AKAP6: variants seen among roughly 807,000 people sequenced by gnomAD.
AKAP6 encodes the protein A-kinase anchor protein 6.
AKAP6 carries 58 observed loss-of-function variants against 188.5 expected under a neutral mutation model. The ratio of observed to expected loss-of-function variants is 0.31; its 90% confidence interval spans 0.25 to 0.38. AKAP6 has a LOEUF of 0.38. AKAP6 is among the 10% of genes least tolerant of loss of function. AKAP6 has a pLI of 1.00. For missense variants in AKAP6, 2,710 were observed against 2,740.0 expected, an observed-to-expected ratio of 0.99 and a Z score of 0.24; for synonymous variants, 989 against 998.6, an observed-to-expected ratio of 0.99 and a Z score of 0.18.
At chr14:32,629,742 A>G (rs1193797427) in intron 7 of AKAP6, among the ~76,000 whole-genome samples, 8 of 150,490 alleles carry the variant, frequency 5.3e-5, no homozygotes, top group African/African-American at 7.4e-5. Flanking sequence ...ATATAACTCA[A>G]TACTTCAGTG....
At chr14:32,576,041 A>C (rs1302819424) in intron 4 of AKAP6, among the ~76,000 whole-genome samples, 1 of 152,146 alleles carries the variant, frequency 6.6e-6, no homozygotes, top group Non-Finnish European at 1.5e-5. Context: ...TATGAATCTT[A>C]AAATATTATC....
chr14:32,625,019 A>G (rs569210065), intron 7 of AKAP6, among the ~76,000 whole-genome samples: 1 of 152,254 alleles, frequency 6.6e-6, no homozygotes, highest in Non-Finnish European at 1.5e-5. Context: ...TTTAAATTCA[A>G]ATATTAACAT....
intron 2 of AKAP6, among the ~76,000 whole-genome samples, chr14:32,450,506 A>G (rs1370494142): frequency 6.6e-6 from 1 of 152,196 alleles, no homozygotes; most frequent in Non-Finnish European, 1.5e-5. Flanking sequence ...TGAAATTTTT[A>G]GTTAACACAA....
chr14:32,623,154 A>T (rs1886882422), intron 7 of AKAP6, among the ~76,000 whole-genome samples: 1 of 152,184 alleles, frequency 6.6e-6, no homozygotes, highest in African/African-American at 2.4e-5. Flanking sequence ...TCCAGCATTA[A>T]ACCCTAAGGT....
intron 1 of AKAP6, among the ~76,000 whole-genome samples, chr14:32,361,071 T>TATATATATATATATA (rs1213844124): frequency 1.1e-4 from 16 of 149,052 alleles, no homozygotes; most frequent in South Asian, 2.2e-4. Flanking sequence ...TATATATATA[T>TATATATATATATATA]TTGAGAAGCT....
chr14:32,529,054 A>C (rs1030722008), intron 2 of AKAP6, among the ~76,000 whole-genome samples: 4 of 152,186 alleles, frequency 2.6e-5, no homozygotes, highest in Non-Finnish European at 5.9e-5. Context: ...GAGGCTGTAC[A>C]TCAAGTTGGG....
intron 4 of AKAP6, among the ~76,000 whole-genome samples, chr14:32,575,119 G>T (rs1481565286): frequency 6.6e-6 from 1 of 152,110 alleles, no homozygotes; most frequent in African/African-American, 2.4e-5. Context: ...CTGAGCTTGA[G>T]TAAGTGTAAC....
rs778461868 is a variant in AKAP6, at chr14:32,824,428, T to C, written c.6615T>C (p.Ala2205=). 1.2e-6 allele frequency: 2 copies of C among 1,613,924 alleles called. No individual in the cohort carries two copies. The highest frequency in any genetic ancestry group is 1.7e-6 in the Non-Finnish European group (2 of 1,179,952). The change falls in exon 13 of 14, where the codon GCT becomes GCC. Residue 2205 remains alanine (A), a synonymous_variant. Transcript: ENST00000280979. ...SSEFSDSSLS[A]DDADTVALSS... ...AGTTCAGTGATAGTTCTCTTTCAGCTGATGATGCAGATACAGTGGCTCTTT... is the reference window on the plus strand; with the variant it reads ...AGTTCAGTGATAGTTCTCTTTCAGCCGATGATGCAGATACAGTGGCTCTTT...
intron 1 of AKAP6, among the ~76,000 whole-genome samples, chr14:32,335,253 G>A (rs1194214161): frequency 6.6e-6 from 1 of 152,082 alleles, no homozygotes; most frequent in Non-Finnish European, 1.5e-5. Flanking sequence ...CACTGAGAAG[G>A]GCCCACACTT....
intron 1 of AKAP6, among the ~76,000 whole-genome samples, chr14:32,422,345 AC>A (rs1889876979): frequency 6.6e-6 from 1 of 152,170 alleles, no homozygotes; most frequent in Non-Finnish European, 1.5e-5. Flanking sequence ...ATACACTAGA[AC>A]AACTCATAGA....
chr14:32,348,177 G>T (rs1027527960), intron 1 of AKAP6, among the ~76,000 whole-genome samples: 1 of 152,166 alleles, frequency 6.6e-6, no homozygotes, highest in African/African-American at 2.4e-5. Context: ...CCAGAAATAT[G>T]CTAGACAGGT....
At chr14:32,369,945 T>G (rs1200930406) in intron 1 of AKAP6, among the ~76,000 whole-genome samples, 1 of 152,110 alleles carries the variant, frequency 6.6e-6, no homozygotes, top group Non-Finnish European at 1.5e-5. Context: ...GCAGGAAAAT[T>G]GCTTGACCCC....
At chr14:32,489,629 C>T (rs1879894505) in intron 2 of AKAP6, among the ~76,000 whole-genome samples, 1 of 152,086 alleles carries the variant, frequency 6.6e-6, no homozygotes, top group African/African-American at 2.4e-5. Context: ...AGAACTTTGC[C>T]AGAGAAAGGA....
At chr14:32,356,801 C>A (rs1232583588) in intron 1 of AKAP6, among the ~76,000 whole-genome samples, 1 of 151,972 alleles carries the variant, frequency 6.6e-6, no homozygotes, top group Non-Finnish European at 1.5e-5. Flanking sequence ...ATGCCCTAAA[C>A]CTTTGCACAG....
intron 7 of AKAP6, among the ~76,000 whole-genome samples, chr14:32,603,629 T>C (rs1886019805): frequency 6.6e-6 from 1 of 152,184 alleles, no homozygotes; most frequent in Non-Finnish European, 1.5e-5. Context: ...AAGACCCTTT[T>C]CCTGCAGGGA....
chr14:32,796,600 C>T (rs1040454177), intron 12 of AKAP6, among the ~76,000 whole-genome samples: 1 of 152,154 alleles, frequency 6.6e-6, no homozygotes, highest in Non-Finnish European at 1.5e-5. Context: ...TGAAACTGGA[C>T]CTCTTTTTTA....
chr14:32,344,566 A>T (rs1203464062), intron 1 of AKAP6, among the ~76,000 whole-genome samples: 1 of 152,160 alleles, frequency 6.6e-6, no homozygotes, highest in East Asian at 1.9e-4. Context: ...GGTATAGATA[A>T]GGGCATTCCT....
intron 2 of AKAP6, among the ~76,000 whole-genome samples, chr14:32,519,353 G>A (rs543484663): frequency 2.0e-4 from 30 of 152,056 alleles, no homozygotes; most frequent in African/African-American, 5.8e-4. Context: ...AATATTAACC[G>A]TAAGTGTAAA....
At chr14:32,544,351 C>T (rs977957798) in intron 3 of AKAP6, among the ~76,000 whole-genome samples, 3 of 152,194 alleles carry the variant, frequency 2.0e-5, no homozygotes, top group African/African-American at 7.2e-5. Context: ...TGAAAATCTT[C>T]CCATTTGTTG....
Sources: allele counts gnomAD v4.1 joint callset (sites outside exome capture counted in the v4.1 genomes callset), GRCh38; gene constraint gnomAD v4.1.1; transcripts MANE v1.5; gene names NCBI Gene and HGNC (gene_info 2026-07-23, HGNC 2026-07-21).